The following MYO1E variants were observed in gnomAD, a reference collection of about 807,000 sequenced individuals.
The protein encoded by MYO1E is myosin IE, also known as unconventional myosin-Ie.
MYO1E carries 68 observed loss-of-function variants against 151.1 expected under a neutral mutation model. The ratio of observed to expected loss-of-function variants is 0.45; its 90% CI spans 0.37 to 0.55. MYO1E has a LOEUF of 0.55. Ranked by LOEUF, MYO1E falls within the 20% of genes least tolerant of loss-of-function variation. The probability of loss-of-function intolerance (pLI) is 0.00; values close to 1 mark genes in which losing one functional copy is unlikely to be tolerated. For missense variants in MYO1E, 1,363 were observed against 1,389.3 expected, an observed-to-expected ratio of 0.98 and a Z score of 0.30; for synonymous variants, 601 against 501.7, an observed-to-expected ratio of 1.20 and a Z score of -2.64.
chr15:59,289,975 A>G (rs1222429880), intron 1 of MYO1E, among the ~76,000 whole-genome samples: 2 of 152,208 alleles, frequency 1.3e-5, no homozygotes, highest in Non-Finnish European at 2.9e-5. Context: ...GTGCCCCACA[A>G]TGTTTGGGGA....
chr15:59,338,382 A>G (rs2080743194), intron 1 of MYO1E, among the ~76,000 whole-genome samples: 1 of 150,130 alleles, frequency 6.7e-6, no homozygotes, highest in South Asian at 2.1e-4. Context: ...AAACTTTCTG[A>G]GTTTTTCAAC....
At chr15:59,347,083 C>T (rs1033325119) in intron 1 of MYO1E, among the ~76,000 whole-genome samples, 6 of 152,166 alleles carry the variant, frequency 3.9e-5, no homozygotes, top group African/African-American at 1.4e-4. Flanking sequence ...GCACGGGTTC[C>T]CAACCCCGGG....
chr15:59,171,181 A>T (rs1327280115), intron 22 of MYO1E: 2 of 155,422 alleles, frequency 1.3e-5, no homozygotes, highest in Non-Finnish European at 2.9e-5. Flanking sequence ...GCATGGGAGG[A>T]CTCCTAGTCT....
At chr15:59,331,143 G>C (rs1348918050) in intron 1 of MYO1E, among the ~76,000 whole-genome samples, 1 of 152,172 alleles carries the variant, frequency 6.6e-6, no homozygotes, top group African/African-American at 2.4e-5. Context: ...GAGTTGAGTA[G>C]CTGTGACAGA....
chr15:59,293,724 A>T (rs1237127855), intron 1 of MYO1E, among the ~76,000 whole-genome samples: 2 of 152,176 alleles, frequency 1.3e-5, no homozygotes, highest in African/African-American at 4.8e-5. Context: ...CATCTGATGT[A>T]GCAAAAACAA....
intron 1 of MYO1E, among the ~76,000 whole-genome samples, chr15:59,313,917 G>C (rs2080568950): frequency 6.6e-6 from 1 of 152,236 alleles, no homozygotes; most frequent in Non-Finnish European, 1.5e-5. Context: ...CGAAACCTGA[G>C]AGAGACCATA....
intron 10 of MYO1E, among the ~76,000 whole-genome samples, chr15:59,216,705 C>T (rs185594424): frequency 0.019 from 1,511 of 79,582 alleles, 97 homozygotes; most frequent in African/African-American, 0.072. Flanking sequence ...CACACACACA[C>T]ACACACACAC....
rs376258077 is a variant in MYO1E, at chr15:59,281,438, G to A, written c.4-8989C>T. 1.6e-4 allele frequency among the ~76,000 whole-genome samples: 25 copies of A among 151,992 alleles called. No homozygotes were observed. The East Asian group carries it at 3.5e-3, about 21-fold the overall frequency. On this transcript the variant is annotated intron_variant, in intron 1 of 27. Coordinates refer to ENST00000288235, the MANE Select transcript of MYO1E (RefSeq NM_004998.4). ...CTACAGGCGTGCACTACCACACCAA[G>A]CTTATTTTTGTATTTTTAGTAGAGA...
At chr15:59,372,429 T>A (rs534720215) in intron 1 of MYO1E, 69 bp downstream of exon 1, 1 of 1,530,750 alleles carries the variant, frequency 6.5e-7, no homozygotes, top group Admixed American at 2.0e-5. Context: ...CCAAGGTGGG[T>A]GCACCACGCC....
chr15:59,285,876 A>T (rs138125171), intron 1 of MYO1E, among the ~76,000 whole-genome samples: 2 of 152,342 alleles, frequency 1.3e-5, no homozygotes, highest in East Asian at 1.9e-4. Context: ...GGCCTAATAG[A>T]TTCATAAGTC....
chr15:59,232,022 C>G (rs2080031428), intron 5 of MYO1E, among the ~76,000 whole-genome samples: 1 of 152,160 alleles, frequency 6.6e-6, no homozygotes, highest in African/African-American at 2.4e-5. Flanking sequence ...TCCCCAGGAG[C>G]CAGGGCCCCA....
At position 59,364,070 on chromosome 15, in the gene MYO1E, G is replaced by A. The variant is rs55943278; in HGVS notation, c.3+8428C>T. On this transcript the variant is annotated intron_variant, in intron 1 of 27. Coordinates refer to ENST00000288235, the MANE Select transcript of MYO1E (RefSeq NM_004998.4). The stretch of plus-strand genomic sequence containing the variant: ...TGGGATAACAGGCCTGAGCCACCAT[G>A]CCCAGCTCTAATTCACCAAGCCTGT... Among the ~76,000 whole-genome samples, 1,283 of 152,248 alleles carry A rather than the reference G, an allele frequency of 8.4e-3. 22 individuals carry two copies. Among genetic ancestry groups the A allele is most frequent in the African/African-American group, 0.029 (1,219 of 41,546 alleles).
Position 59,246,623 on chromosome 15 carries a change from T to C in MYO1E, c.332+9661A>G, listed in dbSNP as rs544774433. 1.4e-4 allele frequency among the ~76,000 whole-genome samples: 21 copies of C among 152,286 alleles called. No individual in the cohort carries two copies. The South Asian group carries it at 4.3e-3, about 32-fold the overall frequency. On this transcript the variant is annotated intron_variant, in intron 4 of 27. Coordinates refer to ENST00000288235, the MANE Select transcript of MYO1E (RefSeq NM_004998.4). Reference sequence around the variant, plus strand: ...CAACATCCCATCTCTTTTCTACCAATAACCTTATCTTTTTGAACCAGGTGT... The same window carrying C: ...CAACATCCCATCTCTTTTCTACCAACAACCTTATCTTTTTGAACCAGGTGT...
At chr15:59,325,392 G>C (rs745876136) in intron 1 of MYO1E, among the ~76,000 whole-genome samples, 1 of 152,140 alleles carries the variant, frequency 6.6e-6, no homozygotes, top group Non-Finnish European at 1.5e-5. Flanking sequence ...CAGGGATTTC[G>C]TGGAAGTGAT....
intron 1 of MYO1E, among the ~76,000 whole-genome samples, chr15:59,343,776 A>G (rs2080778749): frequency 6.6e-6 from 1 of 151,878 alleles, no homozygotes; most frequent in African/African-American, 2.4e-5. Context: ...CTTCTGCTTG[A>G]TCAGTTCTGC....
intron 18 of MYO1E, among the ~76,000 whole-genome samples, chr15:59,186,841 C>T (rs184334561): frequency 4.5e-4 from 68 of 152,218 alleles, no homozygotes; most frequent in African/African-American, 1.5e-3. Context: ...TACAGTGGAA[C>T]GCCACAGAAT....
intron 1 of MYO1E, among the ~76,000 whole-genome samples, 185 bp downstream of exon 1, chr15:59,372,313 G>A (rs183324264): frequency 6.9e-4 from 105 of 152,278 alleles, no homozygotes; most frequent in African/African-American, 2.5e-3. Context: ...TTGGCCCCTC[G>A]CTCGCTCTCC....
Position 59,161,189 on chromosome 15 carries a change from C to G in MYO1E, c.2669G>C (p.Ser890Thr), listed in dbSNP as rs754699876. 3.1e-6 allele frequency: 5 copies of G among 1,614,002 alleles called. No homozygotes were observed. The South Asian group carries it at 4.4e-5, about 14-fold the overall frequency. The change falls in exon 24 of 28, where the codon AGT becomes ACT. Residue 890 changes from serine to threonine, a missense_variant. Ser to Thr is a moderately conservative substitution (Grantham distance 58). Coordinates refer to ENST00000288235, the MANE Select transcript of MYO1E (RefSeq NM_004998.4). ...CTGCACTTGCCGGGAGCCCCCTGCA[C>G]TCCAGGGGCCCCAGTTTTCCTTTTT... ...KLKKENWGPWSAGGSRQVQFH... is the reference protein window; with the variant it reads ...KLKKENWGPWTAGGSRQVQFH...
rs578043762 is a variant in MYO1E at position 59,222,925 on chromosome 15, G to C, written c.910+134C>G. The C allele has an allele frequency of 5.2e-6, 7 of 1,355,934 alleles. No homozygotes were observed. In the African/African-American group the frequency reaches 1.0e-4, roughly 19 times the overall value. The allele number at this position is 1,355,934 out of a possible 1,614,324, so 84.0% of individuals were successfully genotyped here. On this transcript the variant is annotated intron_variant, in intron 9 of 27. Transcript: ENST00000288235. ...GGTCTCTCGTGAAGCCATTCTGTTT[G>C]CCACAGAGGACATGTAGATTTATCA...
Sources: gnomAD v4.1 joint callset for allele counts (sites outside exome capture counted in the v4.1 genomes callset) on GRCh38, gnomAD v4.1.1 for gene constraint, MANE v1.5 for transcripts, NCBI Gene and HGNC (gene_info 2026-07-23, HGNC 2026-07-21) for gene names.